SNX29: variants seen among roughly 807,000 people sequenced by gnomAD.
The protein encoded by SNX29 is sorting nexin 29.
A neutral mutation model predicts 102.1 loss-of-function variants in SNX29; 78 were observed. The ratio of observed to expected loss-of-function variants is 0.76; its 90% CI spans 0.64 to 0.92. SNX29 has a LOEUF of 0.92. SNX29 is among the 40% of genes least tolerant of loss of function. The pLI is 0.00. For synonymous variants in SNX29, 580 were observed against 414.5 expected, an observed-to-expected ratio of 1.40 and a Z score of -4.85; for missense variants, 1,280 against 1,061.7, an observed-to-expected ratio of 1.21 and a Z score of -2.86.
At chr16:12,433,535 G>A (rs1052622445) in intron 18 of SNX29, among the ~76,000 whole-genome samples, 2 of 151,340 alleles carry the variant, frequency 1.3e-5, no homozygotes. Flanking sequence ...AGAGGCTGAG[G>A]CAGAAGAATC....
chr16:12,565,836 C>A (rs2078980367), intron 20 of SNX29, among the ~76,000 whole-genome samples: 1 of 152,206 alleles, frequency 6.6e-6, no homozygotes, highest in African/African-American at 2.4e-5. Flanking sequence ...CCCTCCACAC[C>A]TCTGCCTCCT....
intron 9 of SNX29, among the ~76,000 whole-genome samples, chr16:12,063,008 G>T (rs1438129852): frequency 6.6e-6 from 1 of 152,190 alleles, no homozygotes; most frequent in African/African-American, 2.4e-5. Context: ...GGAAAATGGG[G>T]ATGACAGTGA....
At chr16:12,539,594 G>A (rs537707945) in intron 20 of SNX29, among the ~76,000 whole-genome samples, 12 of 152,268 alleles carry the variant, frequency 7.9e-5, no homozygotes, top group African/African-American at 2.9e-4. Context: ...TTTCTGTGCG[G>A]CAAATACCTA....
intron 4 of SNX29, among the ~76,000 whole-genome samples, chr16:12,028,961 T>C (rs1371719226): frequency 6.6e-6 from 1 of 152,174 alleles, no homozygotes; most frequent in Non-Finnish European, 1.5e-5. Flanking sequence ...TTGGCCAGGC[T>C]GGTCTCGAAC....
intron 13 of SNX29, among the ~76,000 whole-genome samples, chr16:12,160,527 A>G (rs942106675): frequency 3.3e-5 from 5 of 152,168 alleles, no homozygotes; most frequent in Non-Finnish European, 4.4e-5. Flanking sequence ...AGAGACAGAA[A>G]CGAGATTAGT....
At chr16:12,440,684 A>T (rs112253612) in intron 18 of SNX29, among the ~76,000 whole-genome samples, 3,649 of 87,174 alleles carry the variant, frequency 0.042, 67 homozygotes, top group African/African-American at 0.078. Context: ...AAGTGAGAAC[A>T]TGCAATACTT....
intron 18 of SNX29, among the ~76,000 whole-genome samples, chr16:12,461,140 A>G (rs1246428440): frequency 6.6e-6 from 1 of 152,216 alleles, no homozygotes; most frequent in African/African-American, 2.4e-5. Flanking sequence ...TCATACAACT[A>G]ATGAGAATAT....
intron 15 of SNX29, among the ~76,000 whole-genome samples, chr16:12,333,970 G>A (rs1476547389): frequency 6.6e-6 from 1 of 152,152 alleles, no homozygotes; most frequent in African/African-American, 2.4e-5. Context: ...TAACCTCATG[G>A]GGATGTTCCT....
intron 1 of SNX29, among the ~76,000 whole-genome samples, chr16:11,986,228 A>G (rs1034573271): frequency 6.6e-6 from 1 of 151,886 alleles, no homozygotes; most frequent in Non-Finnish European, 1.5e-5. Context: ...GCTGTCCGGG[A>G]GCCCTTCAGA....
At chr16:11,995,942 C>G (rs1596549402) in intron 1 of SNX29, among the ~76,000 whole-genome samples, 1 of 152,052 alleles carries the variant, frequency 6.6e-6, no homozygotes, top group Non-Finnish European at 1.5e-5. Flanking sequence ...TGCCTGTAAT[C>G]CCAGCTTTTT....
In SNX29 at chr16:12,572,271, G is replaced by A. The variant is rs1323860205; in HGVS notation, c.*3642G>A. On this transcript the variant is annotated 3_prime_UTR_variant, in exon 21 of 21. Coordinates refer to ENST00000566228, the MANE Select transcript of SNX29 (RefSeq NM_032167.5). Reference sequence around the variant, plus strand: ...GATTGATACCATGGCTGTAGCTGATGCAACTAACAAGTACTGGGGCCAGTG... The same window carrying A: ...GATTGATACCATGGCTGTAGCTGATACAACTAACAAGTACTGGGGCCAGTG... 5.7e-6 allele frequency: 6 copies of A among 1,060,336 alleles called. No homozygotes were observed. The highest frequency in any genetic ancestry group is 6.8e-6 in the Non-Finnish European group (6 of 876,410). 65.7% of individuals were successfully genotyped at this position (1,060,336 alleles called of 1,614,324 possible).
At chr16:12,500,589 T>C (rs2089069550) in intron 19 of SNX29, among the ~76,000 whole-genome samples, 1 of 152,252 alleles carries the variant, frequency 6.6e-6, no homozygotes, top group Non-Finnish European at 1.5e-5. Flanking sequence ...AGATGAACAG[T>C]ATCAAATAAG....
At chr16:12,312,564 C>T (rs576850555) in intron 15 of SNX29, among the ~76,000 whole-genome samples, 68 of 152,082 alleles carry the variant, frequency 4.5e-4, no homozygotes, top group Non-Finnish European at 7.9e-4. Context: ...AGAGGTGAGG[C>T]GTGAGGGCAG....
chr16:12,556,034 G>A (rs1028032042), intron 20 of SNX29, among the ~76,000 whole-genome samples: 1 of 152,124 alleles, frequency 6.6e-6, no homozygotes, highest in Admixed American at 6.6e-5. Flanking sequence ...TGCCACCGTA[G>A]TGCTGAGTGA....
chr16:12,361,300 T>TG (rs1409338636), intron 16 of SNX29, among the ~76,000 whole-genome samples: 3 of 152,236 alleles, frequency 2.0e-5, no homozygotes, highest in Non-Finnish European at 4.4e-5. Context: ...AACCAGGCAG[T>TG]GGTCCCATTT....
chr16:11,992,698 T>C (rs887176607), intron 1 of SNX29, among the ~76,000 whole-genome samples: 2 of 152,222 alleles, frequency 1.3e-5, no homozygotes, highest in Admixed American at 1.3e-4. Flanking sequence ...TGCTTGACTG[T>C]GTGCCCTTGG....
In SNX29 at chr16:12,425,538, A is replaced by T. The variant is rs551444158; in HGVS notation, c.2037+22009A>T. Among the ~76,000 whole-genome samples, 665 of 136,368 alleles carry T rather than the reference A, an allele frequency of 4.9e-3. 10 individuals carry two copies. Among genetic ancestry groups the T allele is most frequent in the Middle Eastern group, 0.015 (4 of 264 alleles). 89.5% of individuals were successfully genotyped at this position (136,368 alleles called of 152,430 possible). On this transcript the variant is annotated intron_variant, in intron 18 of 20. Coordinates refer to ENST00000566228, the MANE Select transcript of SNX29 (RefSeq NM_032167.5). ...CCCAAATGACCAGAGTTAAAAAAAA[A>T]AAAAAATAAAAAAAATAAAAAGAGG...
chr16:12,385,404 T>C (rs2083307778), intron 16 of SNX29, among the ~76,000 whole-genome samples: 1 of 151,952 alleles, frequency 6.6e-6, no homozygotes, highest in East Asian at 1.9e-4. Context: ...CCTCAAAGAG[T>C]TGGAATTTTT....
At chr16:12,125,684 C>G (rs996079190) in intron 11 of SNX29, among the ~76,000 whole-genome samples, 11 of 126,866 alleles carry the variant, frequency 8.7e-5, no homozygotes, top group African/African-American at 3.4e-4. Context: ...TCCTGAACTC[C>G]TGGGCTCAAA....
Sources: allele counts gnomAD v4.1 joint callset (sites outside exome capture counted in the v4.1 genomes callset), GRCh38; gene constraint gnomAD v4.1.1; transcripts MANE v1.5; gene names NCBI Gene and HGNC (gene_info 2026-07-23, HGNC 2026-07-21).